CREB5: variants seen among roughly 807,000 people sequenced by gnomAD.
The protein encoded by CREB5 is cyclic AMP-responsive element-binding protein 5.
Under a neutral mutation model 57.1 loss-of-function variants are expected in CREB5, and 19 were observed. The observed-to-expected ratio is 0.33, with a 90% CI of 0.23 to 0.49. The LOEUF is 0.49. Among genes scored for constraint, CREB5 ranks in the 20% least tolerant of loss-of-function variants. CREB5 has a pLI of 0.99. For synonymous variants in CREB5, 238 were observed against 238.3 expected (o/e 1.00, Z 0.01); for missense variants, 579 against 671.6 (o/e 0.86, Z 1.52).
Position 28,732,020 on chromosome 7 carries a change from A to G in CREB5, c.702+7688A>G, listed in dbSNP as rs546261337. ...TTCTCGCTGTTTTCTTTGTGCCTGC[A>G]TGGGTCTTCCTCGGGTTCTAGAGCT... On this transcript the variant is annotated intron_variant, in intron 7 of 10. Coordinates refer to ENST00000357727, the MANE Select transcript of CREB5 (RefSeq NM_182898.4). Among the ~76,000 whole-genome samples, 5 of 152,218 alleles carry G rather than the reference A, an allele frequency of 3.3e-5. No individual in the cohort carries two copies. The South Asian group carries it at 1.0e-3, about 32-fold the overall frequency.
At chr7:28,617,060 TG>T (rs1435595027) in intron 5 of CREB5, among the ~76,000 whole-genome samples, 3 of 152,194 alleles carry the variant, frequency 2.0e-5, no homozygotes, top group Non-Finnish European at 4.4e-5. Context: ...CTGGAATTCT[TG>T]GAAGTCTTTC....
In CREB5 at chr7:28,727,930, CTGTTTGTTTGTT is replaced by C. The variant is rs112375352; in HGVS notation, c.702+3621_702+3632del. 3.2e-3 allele frequency among the ~76,000 whole-genome samples: 484 copies of C among 151,172 alleles called. 1 individual carries two copies. The highest frequency in any genetic ancestry group is 8.3e-3 in the East Asian group (43 of 5,158). ...CAGCCCCACAACAGAGATATTGTCC[CTGTTTGTTTGTT>C]TGTTTGTTTGTTTGTTTGTTTGAGG... is the stretch of plus-strand genomic sequence containing the variant. On this transcript the variant is annotated intron_variant, in intron 7 of 10. Transcript: ENST00000357727.
Position 28,412,761 on chromosome 7 carries a change from A to G in CREB5, c.-154A>G. 1 of 547,452 alleles carries G rather than the reference A, an allele frequency of 1.8e-6. No individual in the cohort carries two copies. 33.9% of individuals were successfully genotyped at this position (547,452 alleles called of 1,614,324 possible). A position where few individuals can be genotyped will look rare whatever the true frequency, so the allele number is the denominator to read the frequency against. On this transcript the variant is annotated 5_prime_UTR_variant, in exon 1 of 11. Coordinates refer to ENST00000357727, the MANE Select transcript of CREB5 (RefSeq NM_182898.4). ...GTTCTTTTTACTAAAAGCTAGTTTC[A>G]CTATCTTCTGGTCTGAAATACTGAG...
chr7:28,416,149 G>A (rs1387741189), intron 1 of CREB5, among the ~76,000 whole-genome samples: 2 of 152,096 alleles, frequency 1.3e-5, no homozygotes, highest in Non-Finnish European at 2.9e-5. Flanking sequence ...GTGTTGTTTG[G>A]CCTCACCCAC....
intron 5 of CREB5, among the ~76,000 whole-genome samples, chr7:28,642,967 C>CACACACAT (rs1562544607): frequency 1.3e-4 from 12 of 93,824 alleles, no homozygotes; most frequent in East Asian, 8.7e-4. Flanking sequence ...CACACACACA[C>CACACACAT]ACACACACAC....
chr7:28,746,464 T>A (rs1263494370), intron 7 of CREB5, among the ~76,000 whole-genome samples: 1 of 152,166 alleles, frequency 6.6e-6, no homozygotes, highest in African/African-American at 2.4e-5. Context: ...GAATGCAGAA[T>A]CCCTGGCCCC....
At chr7:28,728,782 C>G (rs1053831559) in intron 7 of CREB5, among the ~76,000 whole-genome samples, 2 of 152,152 alleles carry the variant, frequency 1.3e-5, no homozygotes, top group Non-Finnish European at 2.9e-5. Context: ...GGAACAAACC[C>G]TAGCAATGCT....
chr7:28,709,933 G>A (rs568475413), intron 5 of CREB5, among the ~76,000 whole-genome samples: 3 of 152,280 alleles, frequency 2.0e-5, no homozygotes, highest in Non-Finnish European at 2.9e-5. Context: ...GCCTCCTTGC[G>A]CACAGCTTTG....
At position 28,638,264 on chromosome 7, in the gene CREB5, GACACAC is replaced by G. The variant is rs56956362; in HGVS notation, c.464+67752_464+67757del. Among the ~76,000 whole-genome samples, 30 of 145,800 alleles carry G rather than the reference GACACAC, an allele frequency of 2.1e-4. No homozygotes were observed. In the East Asian group the frequency reaches 2.8e-3, roughly 14 times the overall value. ...ATTGCTATCTTAAAGAAAGAAACTA[GACACAC>G]ACACACACACACACACACACACACG... On this transcript the variant is annotated intron_variant, in intron 5 of 10. Coordinates refer to ENST00000357727, the MANE Select transcript of CREB5 (RefSeq NM_182898.4).
chr7:28,684,726 G>A (rs1107515), intron 5 of CREB5, among the ~76,000 whole-genome samples: 13,845 of 139,048 alleles, frequency 0.1, 743 homozygotes, highest in Non-Finnish European at 0.13. Flanking sequence ...ACAAGCCATG[G>A]TCATTTTTGG....
chr7:28,536,375 T>C (rs1319654146), intron 4 of CREB5, among the ~76,000 whole-genome samples: 2 of 152,226 alleles, frequency 1.3e-5, no homozygotes, highest in Non-Finnish European at 2.9e-5. Flanking sequence ...GCGCATCTCC[T>C]TGGAATGTTG....
At chr7:28,348,279 G>T (rs547539846) in intron 1 of CREB5, among the ~76,000 whole-genome samples, 1 of 152,016 alleles carries the variant, frequency 6.6e-6, no homozygotes, top group African/African-American at 2.4e-5. Context: ...GCATCTCATC[G>T]CTGGCACATT....
Position 28,677,460 on chromosome 7 carries a change from C to T in CREB5, c.465-41293C>T, listed in dbSNP as rs141369109. Among the ~76,000 whole-genome samples, 8 of 152,224 alleles carry T rather than the reference C, an allele frequency of 5.3e-5. No homozygotes were observed. In the East Asian group the frequency reaches 1.5e-3, roughly 29 times the overall value. On this transcript the variant is annotated intron_variant, in intron 5 of 10. Transcript: ENST00000357727. The stretch of plus-strand genomic sequence containing the variant: ...GACTGATGTTTGCTGGTTGGAGTGC[C>T]AGGCCAAGGGTCAGCCTTCAAGGGA...
At chr7:28,560,805 T>TGCGTGTGCGC (rs1299212365) in intron 4 of CREB5, among the ~76,000 whole-genome samples, 1 of 54,770 alleles carries the variant, frequency 1.8e-5, no homozygotes, top group African/African-American at 5.7e-5. Flanking sequence ...ACAGTGTGTG[T>TGCGTGTGCGC]GCGCGTGTGT....
chr7:28,529,558 C>T (rs1042249575), intron 4 of CREB5, among the ~76,000 whole-genome samples: 1 of 152,106 alleles, frequency 6.6e-6, no homozygotes. Context: ...AGGGTGGTAC[C>T]TTTTAATCAA....
intron 8 of CREB5, among the ~76,000 whole-genome samples, chr7:28,806,834 C>T (rs2128802582): frequency 6.6e-6 from 1 of 152,246 alleles, no homozygotes; most frequent in Non-Finnish European, 1.5e-5. Context: ...AAGATAAGTC[C>T]CTGCAATGGA....
intron 5 of CREB5, among the ~76,000 whole-genome samples, chr7:28,602,357 C>A (rs1796952228): frequency 6.6e-6 from 1 of 152,086 alleles, no homozygotes; most frequent in Non-Finnish European, 1.5e-5. Flanking sequence ...AAACTCCTGA[C>A]CTCAGGTGAT....
At chr7:28,444,020 T>G (rs1392396060) in intron 1 of CREB5, among the ~76,000 whole-genome samples, 1 of 152,158 alleles carries the variant, frequency 6.6e-6, no homozygotes, top group Non-Finnish European at 1.5e-5. Context: ...ACATAAAAAA[T>G]TTTGTAATGG....
intron 5 of CREB5, among the ~76,000 whole-genome samples, chr7:28,658,957 A>ATATATATATATATATATATATATATGTG (rs1799457150): frequency 8.9e-6 from 1 of 111,810 alleles, no homozygotes; most frequent in Admixed American, 8.4e-5. Flanking sequence ...GTGTGTGTAT[A>ATATATATATATATATATATATATATGTG]TATATATATA....
Sources: gnomAD v4.1 joint callset for allele counts (sites outside exome capture counted in the v4.1 genomes callset) on GRCh38, gnomAD v4.1.1 for gene constraint, MANE v1.5 for transcripts, NCBI Gene and HGNC (gene_info 2026-07-23, HGNC 2026-07-21) for gene names.